SYNE1: variants seen among roughly 807,000 people sequenced by gnomAD.
SYNE1 encodes nesprin-1.
A neutral mutation model predicts 1,111.0 loss-of-function variants in SYNE1; 616 were observed. The observed-to-expected ratio is 0.55, with a 90% CI of 0.52 to 0.59. The LOEUF (loss-of-function observed/expected upper bound fraction) is 0.59, where lower values mean the gene tolerates loss of function less well. SYNE1 is among the 20% of genes least tolerant of loss of function. The probability of loss-of-function intolerance (pLI) is 0.00; values close to 1 mark genes in which losing one functional copy is unlikely to be tolerated. For missense variants in SYNE1, 10,006 were observed against 10,417.0 expected, an observed-to-expected ratio of 0.96 and a Z score of 1.72; for synonymous variants, 3,855 against 3,825.8, an observed-to-expected ratio of 1.01 and a Z score of -0.28.
chr6:152,387,484 C>A, intron 53 of SYNE1, 103 bp from the exon 54 acceptor site: 1 of 1,182,490 alleles, frequency 8.5e-7, no homozygotes, highest in East Asian at 2.4e-5. Flanking sequence ...TTATTGAATG[C>A]TACTGGAAGT....
rs2077988586 is a variant in SYNE1 at position 152,213,684 on chromosome 6, C to T, written c.22422G>A (p.Gln7474=). Reference sequence around the variant, plus strand: ...TCTCTACTGCTAACTTTTGTTCTGTCTGAACTAGGAATTCCATCCATGTTT... The same window carrying T: ...TCTCTACTGCTAACTTTTGTTCTGTTTGAACTAGGAATTCCATCCATGTTT... ...KCETWMEFLV[Q]TEQKLAVEIS... Residue 7474 remains glutamine, a synonymous_variant, in exon 123 of 146, where the codon CAG becomes CAA. Transcript: ENST00000367255. 1.9e-6 allele frequency: 3 copies of T among 1,614,016 alleles called. No homozygotes were observed. The highest frequency in any genetic ancestry group is 4.5e-5 in the East Asian group (2 of 44,882).
chr6:152,192,561 A>C (rs2813530), intron 127 of SYNE1, among the ~76,000 whole-genome samples: 1 of 151,828 alleles, frequency 6.6e-6, no homozygotes, highest in Non-Finnish European at 1.5e-5. Context: ...AACGTCCACC[A>C]CCTGGGTTCA....
chr6:152,157,811 T>C (rs1586469610), intron 131 of SYNE1, among the ~76,000 whole-genome samples: 1 of 150,882 alleles, frequency 6.6e-6, no homozygotes, highest in African/African-American at 2.4e-5. Context: ...CAGGCTGGAG[T>C]GCAGTGGCAT....
intron 23 of SYNE1, 93 bp from the exon 24 acceptor site, chr6:152,455,683 G>T: frequency 6.5e-7 from 1 of 1,534,642 alleles, no homozygotes; most frequent in Non-Finnish European, 9.0e-7. Flanking sequence ...AAAAGCACTT[G>T]GAAAAAAGAC....
At chr6:152,243,520 G>A (rs1280857185) in intron 106 of SYNE1, among the ~76,000 whole-genome samples, 1 of 152,168 alleles carries the variant, frequency 6.6e-6, no homozygotes, top group Non-Finnish European at 1.5e-5. Flanking sequence ...ATCTGGAAGA[G>A]TTCAATTTTA....
intron 3 of SYNE1, among the ~76,000 whole-genome samples, chr6:152,624,624 C>T (rs139127710): frequency 2.4e-4 from 37 of 152,128 alleles, no homozygotes; most frequent in Non-Finnish European, 4.4e-4. Context: ...TTTGCTTTTA[C>T]GGTTATATTT....
At chr6:152,427,600 G>C in intron 38 of SYNE1, 93 bp downstream of exon 38, 1 of 1,452,128 alleles carries the variant, frequency 6.9e-7, no homozygotes, top group Non-Finnish European at 9.5e-7. Flanking sequence ...AGCAAGAAGG[G>C]AGGTACAAGT....
intron 101 of SYNE1, among the ~76,000 whole-genome samples, chr6:152,260,537 G>T (rs1055132511): frequency 3.3e-5 from 5 of 152,112 alleles, no homozygotes; most frequent in Admixed American, 6.5e-5. Flanking sequence ...GGCCAGAGAG[G>T]GAAAGTGAGG....
At chr6:152,515,674 C>T (rs2099107875) in intron 6 of SYNE1, among the ~76,000 whole-genome samples, 1 of 152,224 alleles carries the variant, frequency 6.6e-6, no homozygotes, top group Non-Finnish European at 1.5e-5. Flanking sequence ...CATCACCTTT[C>T]TGGACCTCAC....
At chr6:152,127,938 A>C (rs958477144) in intron 145 of SYNE1, 1 of 152,100 alleles carries the variant, frequency 6.6e-6, no homozygotes, top group African/African-American at 2.4e-5. Context: ...GCCACTTCTC[A>C]TTCCATCTTA....
intron 120 of SYNE1, 77 bp from the exon 121 acceptor site, chr6:152,218,480 G>A: frequency 6.8e-7 from 1 of 1,473,780 alleles, no homozygotes. Flanking sequence ...TGGTAAAAGG[G>A]CAAGTGGATA....
At chr6:152,277,234 G>A (rs1032395179) in intron 98 of SYNE1, among the ~76,000 whole-genome samples, 2 of 106,714 alleles carry the variant, frequency 1.9e-5, no homozygotes, top group Non-Finnish European at 3.9e-5. Flanking sequence ...CAAGAAGATT[G>A]TTCTTGCAAT....
chr6:152,549,447 G>T lies in SYNE1; in HGVS notation c.68-9426C>A, dbSNP rs369388621. On this transcript the variant is annotated intron_variant, in intron 3 of 145. Coordinates refer to ENST00000367255, the MANE Select transcript of SYNE1 (RefSeq NM_182961.4). Reference sequence around the variant, plus strand: ...CTGAAATAAAGGCATTTACATGTGTGGGGGGGCGGTGGGAGTGGAGGGGTC... The same window carrying T: ...CTGAAATAAAGGCATTTACATGTGTTGGGGGGCGGTGGGAGTGGAGGGGTC... Among the ~76,000 whole-genome samples the T allele has an allele frequency of 2.4e-4, 37 of 152,150 alleles. No individual in the cohort carries two copies. In the East Asian group the frequency reaches 3.3e-3, roughly 14 times the overall value.
chr6:152,206,366 A>G lies in SYNE1; in HGVS notation c.22825-4T>C. The G allele has an allele frequency of 6.2e-7, 1 of 1,613,592 alleles. No individual in the cohort carries two copies. Among genetic ancestry groups the G allele is most frequent in the East Asian group, 2.2e-5 (1 of 44,862 alleles). On this transcript the variant is annotated splice_polypyrimidine_tract_variant and splice_region_variant and intron_variant, in intron 125 of 145. Transcript: ENST00000367255. ...GCAGAAACACTTTTTCTTTGAACTG[A>G]AAGGAACCATAGCTTTTTATTTTCT...
At chr6:152,504,084 G>A (rs973785669) in intron 9 of SYNE1, among the ~76,000 whole-genome samples, 1 of 152,050 alleles carries the variant, frequency 6.6e-6, no homozygotes, top group East Asian at 1.9e-4. Context: ...TGGTCTGGTG[G>A]ATATGAAAGA....
At chr6:152,343,526 AT>A (rs2096577264) in intron 74 of SYNE1, among the ~76,000 whole-genome samples, 52 of 110,958 alleles carry the variant, frequency 4.7e-4, no homozygotes, top group African/African-American at 1.7e-3. Context: ...TTTATTTTTT[AT>A]TTTTATTTTT....
chr6:152,519,782 C>T (rs997668981), intron 6 of SYNE1, among the ~76,000 whole-genome samples: 1 of 152,150 alleles, frequency 6.6e-6, no homozygotes, highest in African/African-American at 2.4e-5. Context: ...AAGGGAAAAA[C>T]AGTGACTCTA....
intron 63 of SYNE1, chr6:152,363,881 G>A (rs929018922): frequency 2.3e-5 from 9 of 384,958 alleles, no homozygotes; most frequent in Non-Finnish European, 4.7e-5. Flanking sequence ...CTGTATACCA[G>A]CTCCCAGCAT....
chr6:152,382,259 T>A (rs562278575), intron 55 of SYNE1, among the ~76,000 whole-genome samples: 2 of 152,310 alleles, frequency 1.3e-5, no homozygotes, highest in East Asian at 3.9e-4. Flanking sequence ...ATTATGACTT[T>A]ACTACCGGAT....
Sources: gnomAD v4.1 joint callset for allele counts (sites outside exome capture counted in the v4.1 genomes callset) on GRCh38, gnomAD v4.1.1 for gene constraint, MANE v1.5 for transcripts, NCBI Gene and HGNC (gene_info 2026-07-23, HGNC 2026-07-21) for gene names.